The following RFX4 variants were observed in gnomAD, a reference collection of about 807,000 sequenced individuals.
RFX4 encodes the protein transcription factor RFX4.
A neutral mutation model predicts 95.0 loss-of-function variants in RFX4; 10 were observed. The observed-to-expected ratio is 0.11, with a 90% CI of 0.06 to 0.18. The LOEUF is 0.18. Ranked by LOEUF, RFX4 falls within the 10% of genes least tolerant of loss-of-function variation. RFX4 has a pLI of 1.00. For synonymous variants in RFX4, 321 were observed against 340.7 expected (o/e 0.94, Z 0.64); for missense variants, 640 against 922.0 (o/e 0.69, Z 3.96).
chr12:106,631,646 C>A (rs539164618), intron 2 of RFX4, among the ~76,000 whole-genome samples: 7 of 152,324 alleles, frequency 4.6e-5, no homozygotes, highest in African/African-American at 1.7e-4. Context: ...AGGAAGCAGA[C>A]CCTCACCAGA....
intron 7 of RFX4, among the ~76,000 whole-genome samples, chr12:106,690,966 C>G (rs1158255485): frequency 6.6e-6 from 1 of 152,134 alleles, no homozygotes; most frequent in Non-Finnish European, 1.5e-5. Context: ...ATTCCAACAC[C>G]TATTGGGTCC....
intron 13 of RFX4, among the ~76,000 whole-genome samples, chr12:106,731,012 C>A (rs559244386): frequency 6.6e-6 from 1 of 152,094 alleles, no homozygotes; most frequent in Admixed American, 6.6e-5. Context: ...AAAAAAAAGT[C>A]TCTAAAAAAG....
intron 2 of RFX4, among the ~76,000 whole-genome samples, chr12:106,623,017 G>A (rs1487116209): frequency 6.7e-6 from 1 of 149,116 alleles, no homozygotes; most frequent in Non-Finnish European, 1.5e-5. Context: ...AGGTCTATAT[G>A]TCTGCCTTTC....
At chr12:106,618,061 AT>A (rs2137228780) in intron 2 of RFX4, among the ~76,000 whole-genome samples, 1 of 152,220 alleles carries the variant, frequency 6.6e-6, no homozygotes, top group South Asian at 2.1e-4. Context: ...CATATAGTCT[AT>A]TTTGGTTAAT....
intron 4 of RFX4, among the ~76,000 whole-genome samples, chr12:106,665,480 C>T (rs570863991): frequency 6.6e-6 from 1 of 151,892 alleles, no homozygotes; most frequent in East Asian, 1.9e-4. Context: ...AGACCATGAT[C>T]TTCGAAGTAA....
intron 5 of RFX4, chr12:106,684,765 G>A (rs1246697720): frequency 7.2e-6 from 11 of 1,524,694 alleles, no homozygotes; most frequent in Non-Finnish European, 2.6e-6. Context: ...AGGCACAGAA[G>A]GCAGACTTCG....
In RFX4 at chr12:106,608,871, T is replaced by C. The variant is rs575742186; in HGVS notation, c.118T>C (p.Ser40Pro). 45 of 1,611,996 alleles carry C rather than the reference T, an allele frequency of 2.8e-5. No individual in the cohort carries two copies. The East Asian group carries it at 5.3e-4, about 19-fold the overall frequency. ...CAGCCACACATCTCTGGGGAATGTT[T>C]CTAATGATGAAAGTAAGTGCTTGAA... Reference protein sequence around the residue: ...YSSHTSLGNVSNDENEEKENN... With the variant: ...YSSHTSLGNVPNDENEEKENN... The change falls in exon 2 of 18, where the codon TCT (serine) becomes CCT (proline). Residue 40 changes from serine (S) to proline (P), a missense_variant. Coordinates refer to ENST00000392842, the MANE Select transcript of RFX4 (RefSeq NM_213594.3).
chr12:106,751,717 T>G (rs2043009789), intron 17 of RFX4, among the ~76,000 whole-genome samples: 1 of 152,128 alleles, frequency 6.6e-6, no homozygotes, highest in Non-Finnish European at 1.5e-5. Flanking sequence ...ATGTGTTTTT[T>G]GGCTGCACAA....
chr12:106,610,624 T>C (rs2039941338), intron 2 of RFX4, among the ~76,000 whole-genome samples: 1 of 152,254 alleles, frequency 6.6e-6, no homozygotes, highest in Non-Finnish European at 1.5e-5. Context: ...TTAATCCATG[T>C]TGTAGCATGT....
rs535358097 is a variant in RFX4 at position 106,611,572 on chromosome 12, G to T, written c.130+2689G>T. ...GTTGCCCAGGCTGGAGTACAGTGGCGCTGTCTCGGCTCACTGCAACCTCCG... is the reference window on the plus strand; with the variant it reads ...GTTGCCCAGGCTGGAGTACAGTGGCTCTGTCTCGGCTCACTGCAACCTCCG... On this transcript the variant is annotated intron_variant, in intron 2 of 17. Transcript: ENST00000392842. Among the ~76,000 whole-genome samples, 6 of 151,316 alleles carry T rather than the reference G, an allele frequency of 4.0e-5. No individual in the cohort carries two copies. The East Asian group carries it at 9.7e-4, about 25-fold the overall frequency.
At chr12:106,668,715 C>A (rs1287436224) in intron 4 of RFX4, among the ~76,000 whole-genome samples, 1 of 152,190 alleles carries the variant, frequency 6.6e-6, no homozygotes. Flanking sequence ...CACATCCATG[C>A]ATCCTTGTAT....
Position 106,720,006 on chromosome 12 carries a change from G to T in RFX4, c.1185G>T (p.Glu395Asp), listed in dbSNP as rs570742915. The change falls in exon 12 of 18, where the codon GAG becomes GAT. Residue 395 changes from glutamate (E) to aspartate (D), a missense_variant. Physicochemically the swap from Glu to Asp is conservative, Grantham distance 45. This residue lies in a region of RFX4 where 72 missense variants were observed against 80.5 expected (regional missense o/e 0.89). Coordinates refer to ENST00000392842, the MANE Select transcript of RFX4 (RefSeq NM_213594.3). This position sits in a 1 kb window ranked among gnomAD's most constrained non-coding sequence, Gnocchi z 4.2. Reference sequence around the variant, plus strand: ...TCTTGGAGGAGCAGTCTCCCATCGAGTCCTACATTGAGTGGCTGGATACCA... The same window carrying T: ...TCTTGGAGGAGCAGTCTCCCATCGATTCCTACATTGAGTGGCTGGATACCA... ...DHLLEEQSPI[E>D]SYIEWLDTMV... 81 of 1,614,252 alleles carry T rather than the reference G, an allele frequency of 5.0e-5. 1 individual carries two copies. In the South Asian group the frequency reaches 8.5e-4, roughly 17 times the overall value.
intron 1 of RFX4, chr12:106,583,593 T>C (rs746001823): frequency 1.3e-5 from 5 of 392,904 alleles, no homozygotes; most frequent in Admixed American, 9.0e-5. Context: ...TGTGTGTGCG[T>C]GCGCGCGCGC....
At chr12:106,659,611 A>G (rs997484353) in intron 4 of RFX4, among the ~76,000 whole-genome samples, 8 of 152,226 alleles carry the variant, frequency 5.3e-5, no homozygotes, top group African/African-American at 1.9e-4. Context: ...TATACCTGGT[A>G]CTGTTCTAAG....
intron 4 of RFX4, among the ~76,000 whole-genome samples, chr12:106,675,697 A>G (rs1262749253): frequency 1.3e-5 from 2 of 152,196 alleles, no homozygotes; most frequent in East Asian, 3.8e-4. Flanking sequence ...GAAAGTTTCT[A>G]GGAGGAAATA....
intron 17 of RFX4, among the ~76,000 whole-genome samples, chr12:106,753,679 AG>A (rs1030905990): frequency 1.1e-3 from 171 of 152,286 alleles, no homozygotes; most frequent in African/African-American, 3.9e-3. Context: ...AACCTGCCTG[AG>A]GGGTTGAACC....
chr12:106,753,950 G>A (rs2043061397), intron 17 of RFX4, among the ~76,000 whole-genome samples: 1 of 152,184 alleles, frequency 6.6e-6, no homozygotes, highest in Non-Finnish European at 1.5e-5. Flanking sequence ...GGAGGCAGGG[G>A]GCTCTGCTCC....
chr12:106,693,096 C>T (rs2137439768), intron 7 of RFX4: 1 of 441,484 alleles, frequency 2.3e-6, no homozygotes, highest in Non-Finnish European at 4.5e-6. Flanking sequence ...CTGTCAGCTC[C>T]ACCTTCTGCA....
chr12:106,645,128 G>A (rs548916892), intron 3 of RFX4, among the ~76,000 whole-genome samples: 1 of 152,004 alleles, frequency 6.6e-6, no homozygotes, highest in Non-Finnish European at 1.5e-5. Context: ...GTGATCTGGA[G>A]GCAACTCCCA....
Sources: gnomAD v4.1 joint callset for allele counts (sites outside exome capture counted in the v4.1 genomes callset) on GRCh38, gnomAD v4.1.1 for gene constraint, gnomAD v4.1.1 regional missense constraint, Gnocchi (gnomAD v3.1) non-coding constraint, MANE v1.5 for transcripts, NCBI Gene and HGNC (gene_info 2026-07-23, HGNC 2026-07-21) for gene names.